The following VPS13C variants were observed in gnomAD, a reference collection of about 807,000 sequenced individuals.
The protein encoded by VPS13C is vacuolar protein sorting 13 homolog C.
VPS13C carries 358 observed loss-of-function variants against 456.8 expected under a neutral mutation model. That is an observed-to-expected ratio of 0.78 (90% confidence interval 0.72 to 0.86). The LOEUF is 0.86. Ranked by LOEUF, VPS13C falls within the 40% of genes least tolerant of loss-of-function variation. The probability of loss-of-function intolerance (pLI) is 0.00; values close to 1 mark genes in which losing one functional copy is unlikely to be tolerated. For missense variants in VPS13C, 4,818 were observed against 4,385.4 expected, an observed-to-expected ratio of 1.10 and a Z score of -2.79; for synonymous variants, 1,578 against 1,486.7, an observed-to-expected ratio of 1.06 and a Z score of -1.41.
intron 16 of VPS13C, 124 bp downstream of exon 16, chr15:62,000,440 T>C (rs1381181339): frequency 6.9e-6 from 6 of 872,522 alleles, no homozygotes; most frequent in Admixed American, 3.5e-5. Context: ...TCCAGTTTCT[T>C]TTCTCCTGAG....
chr15:61,922,142 T>C (rs1255154820), intron 54 of VPS13C, 109 bp from the exon 55 acceptor site: 1 of 1,212,990 alleles, frequency 8.2e-7, no homozygotes, highest in African/African-American at 1.5e-5. Flanking sequence ...CATTAGCCAT[T>C]TTCAAAACCC....
At chr15:61,964,241 G>T (rs1487796817) in intron 31 of VPS13C, among the ~76,000 whole-genome samples, 1 of 152,042 alleles carries the variant, frequency 6.6e-6, no homozygotes, top group Admixed American at 6.6e-5. Context: ...TTACATGGTT[G>T]AAGTAGCAAA....
At chr15:61,984,220 T>C (rs1407958570) in intron 19 of VPS13C, among the ~76,000 whole-genome samples, 1 of 152,188 alleles carries the variant, frequency 6.6e-6, no homozygotes, top group Non-Finnish European at 1.5e-5. Flanking sequence ...ATTAACTCCT[T>C]TCATCTACGT....
At chr15:61,993,732 T>C (rs2046294267) in intron 16 of VPS13C, among the ~76,000 whole-genome samples, 1 of 152,078 alleles carries the variant, frequency 6.6e-6, no homozygotes, top group South Asian at 2.1e-4. Flanking sequence ...TGAAGAAAAG[T>C]TTTCCTACGT....
At chr15:62,059,964 C>G (rs892091548) in intron 1 of VPS13C, among the ~76,000 whole-genome samples, 1 of 152,226 alleles carries the variant, frequency 6.6e-6, no homozygotes, top group African/African-American at 2.4e-5. Context: ...AAGGGGCCAC[C>G]CTGAGTGCAG....
rs540616969 is a variant in VPS13C, at chr15:62,010,137, C to T, written c.1011+335G>A. On this transcript the variant is annotated intron_variant, in intron 13 of 84. Transcript: ENST00000644861. ...CCCAGGAGGTAGAGCTTGCAGTGAC[C>T]TGAGATCGCACCACTGCACTCCAGC... Among the ~76,000 whole-genome samples the T allele has an allele frequency of 1.8e-3, 267 of 151,916 alleles. 3 individuals are homozygous for T. In the South Asian group the frequency reaches 0.028, roughly 16 times the overall value.
At position 61,909,022 on chromosome 15, in the gene VPS13C, G is replaced by A; in HGVS notation, c.8948C>T (p.Thr2983Ile). ...TTTGTATGTGAGGATGTCCCATGGT[G>A]TATGGTTCATTATCAAGGCAGGTGC... ...GSAPALIMNH[T>I]PWDILTYKQS... Residue 2983 changes from threonine to isoleucine, a missense_variant, in exon 65 of 85, where the codon ACA (threonine) becomes ATA (isoleucine). By Grantham distance (89) the Thr-to-Ile change is moderately conservative (BLOSUM62 -1). Coordinates refer to ENST00000644861, the MANE Select transcript of VPS13C (RefSeq NM_020821.3). 1.2e-6 allele frequency: 2 copies of A among 1,613,816 alleles called. No individual in the cohort carries two copies. Among genetic ancestry groups the A allele is most frequent in the Non-Finnish European group, 1.7e-6 (2 of 1,179,940 alleles).
intron 3 of VPS13C, among the ~76,000 whole-genome samples, chr15:62,037,067 G>C (rs778760630): frequency 1.4e-5 from 2 of 146,646 alleles, no homozygotes; most frequent in African/African-American, 2.5e-5. Flanking sequence ...ATAACTCAAT[G>C]GGTAACAGTG....
chr15:61,956,462 C>A (rs548249577), intron 37 of VPS13C, among the ~76,000 whole-genome samples: 44 of 152,034 alleles, frequency 2.9e-4, no homozygotes, highest in African/African-American at 1.0e-3. Context: ...TGGACATGTA[C>A]CCCCTGAATC....
chr15:61,891,672 T>C (rs1015306786), intron 66 of VPS13C, among the ~76,000 whole-genome samples: 2 of 152,230 alleles, frequency 1.3e-5, no homozygotes, highest in Non-Finnish European at 2.9e-5. Context: ...ATACTATTCA[T>C]TGCATGAAGG....
intron 1 of VPS13C, among the ~76,000 whole-genome samples, chr15:62,049,564 T>C (rs2048549428): frequency 1.3e-5 from 2 of 152,230 alleles, no homozygotes; most frequent in Non-Finnish European, 2.9e-5. Context: ...TCTTTTGGCT[T>C]AGGATTGACT....
chr15:61,860,267 T>G (rs755884527), intron 82 of VPS13C, among the ~76,000 whole-genome samples: 1 of 152,048 alleles, frequency 6.6e-6, no homozygotes, highest in African/African-American at 2.4e-5. Context: ...AAATGCTAAT[T>G]AAAACAAAAA....
At chr15:61,919,631 G>C (rs921017551) in intron 57 of VPS13C, among the ~76,000 whole-genome samples, 182 bp from the exon 58 acceptor site, 2 of 151,634 alleles carry the variant, frequency 1.3e-5, no homozygotes, top group African/African-American at 2.4e-5. Flanking sequence ...TAAAATTTTT[G>C]GCTGAAAACA....
intron 81 of VPS13C, chr15:61,866,233 CAT>C (rs1894581832): frequency 2.0e-6 from 2 of 984,810 alleles, no homozygotes; most frequent in African/African-American, 3.5e-5. Flanking sequence ...AGTGTATAAT[CAT>C]TCTTTTTCTT....
chr15:61,960,238 G>C (rs1450958493), intron 35 of VPS13C, among the ~76,000 whole-genome samples: 1 of 152,098 alleles, frequency 6.6e-6, no homozygotes, highest in Non-Finnish European at 1.5e-5. Context: ...GAGGTGAGTG[G>C]AACCGGACTG....
At chr15:62,059,202 A>C (rs953879442) in intron 1 of VPS13C, among the ~76,000 whole-genome samples, 1 of 152,218 alleles carries the variant, frequency 6.6e-6, no homozygotes, top group Non-Finnish European at 1.5e-5. Flanking sequence ...ATGCTTATTC[A>C]AAACGATGTT....
chr15:61,977,529 T>C (rs2162061), intron 23 of VPS13C, among the ~76,000 whole-genome samples: 141,921 of 151,942 alleles, frequency 0.93, 66,454 homozygotes, highest in African/African-American at 0.96. Flanking sequence ...AATTAGTGAC[T>C]AAGGTTGATA....
intron 14 of VPS13C, among the ~76,000 whole-genome samples, chr15:62,008,037 A>G (rs1199542941): frequency 1.3e-5 from 2 of 151,946 alleles, no homozygotes; most frequent in Non-Finnish European, 2.9e-5. Flanking sequence ...TCAGGAGTTC[A>G]AGATGTCGAG....
intron 71 of VPS13C, 62 bp downstream of exon 71, chr15:61,881,497 GATTT>G: frequency 1.4e-5 from 21 of 1,459,454 alleles, no homozygotes; most frequent in Non-Finnish European, 1.8e-5. Context: ...AAAAGAGTAA[GATTT>G]ATTTTCAAAG....
Sources: gnomAD v4.1 joint callset for allele counts (sites outside exome capture counted in the v4.1 genomes callset) on GRCh38, gnomAD v4.1.1 for gene constraint, MANE v1.5 for transcripts, NCBI Gene and HGNC (gene_info 2026-07-23, HGNC 2026-07-21) for gene names.